The following ATP10B variants were observed in gnomAD, a reference collection of about 807,000 sequenced individuals.
ATP10B encodes ATPase phospholipid transporting 10B (putative).
Under a neutral mutation model 141.2 loss-of-function variants are expected in ATP10B, and 122 were observed. That is an observed-to-expected ratio of 0.86 (90% CI 0.75 to 1.00). The LOEUF is 1.00. Among genes scored for constraint, ATP10B ranks in the 50% least tolerant of loss-of-function variants. The pLI is 0.00. For missense variants in ATP10B, 1,876 were observed against 1,825.3 expected (o/e 1.03, Z -0.51); for synonymous variants, 685 against 692.0 (o/e 0.99, Z 0.16).
chr5:160,799,510 AATGCTGATGTTTGCTT>A (rs1160061244), intron 1 of ATP10B, among the ~76,000 whole-genome samples: 1 of 152,216 alleles, frequency 6.6e-6, no homozygotes, highest in East Asian at 1.9e-4. Flanking sequence ...ACTGTTAATT[AATGCTGATGTTTGCTT>A]TGCTGACATT....
intron 4 of ATP10B, among the ~76,000 whole-genome samples, chr5:160,688,354 G>A (rs7728209): frequency 0.57 from 86,400 of 151,990 alleles, 26,651 homozygotes; most frequent in Middle Eastern, 0.74. Context: ...GTTCTAGGGT[G>A]ACACACTAAA....
chr5:160,653,648 T>TATATATACATATATAC (rs796766455), intron 7 of ATP10B, among the ~76,000 whole-genome samples: 1 of 79,364 alleles, frequency 1.3e-5, no homozygotes, highest in Non-Finnish European at 2.2e-5. Flanking sequence ...ACATATATAT[T>TATATATACATATATAC]ATATATACAT....
rs772198369 is a variant in ATP10B at position 160,686,071 on chromosome 5, T to C, written c.470+8A>G. On this transcript the variant is annotated splice_region_variant and intron_variant, in intron 6 of 25. Transcript: ENST00000327245. ...TGCAAGAGAGAACACAGGGATGGTT[T>C]TTCTTACCTTTCATAAATTCGAATG... 6.5e-7 allele frequency: 1 copy of C among 1,545,814 alleles called. No individual in the cohort carries two copies. Among genetic ancestry groups the C allele is most frequent in the Non-Finnish European group, 8.8e-7 (1 of 1,137,390 alleles).
chr5:160,925,816 G>A, the ATP10B span, among the ~76,000 whole-genome samples: 2 of 152,126 alleles, frequency 1.3e-5, no homozygotes, highest in East Asian at 1.9e-4. Context: ...AGGAAAATAG[G>A]AGTCCTTTTG....
At chr5:160,904,554 C>A in the ATP10B span, among the ~76,000 whole-genome samples, 2 of 152,078 alleles carry the variant, frequency 1.3e-5, no homozygotes, top group East Asian at 3.9e-4. Flanking sequence ...TAATGTGATA[C>A]CTTGTCAAGA....
intron 7 of ATP10B, among the ~76,000 whole-genome samples, chr5:160,653,222 C>T (rs1761045430): frequency 7.5e-6 from 1 of 132,580 alleles, no homozygotes; most frequent in Non-Finnish European, 1.5e-5. Context: ...ATCATATATA[C>T]ATACAAATAT....
At chr5:160,841,988 A>G (rs140926535) in intron 1 of ATP10B, among the ~76,000 whole-genome samples, 1 of 152,206 alleles carries the variant, frequency 6.6e-6, no homozygotes, top group African/African-American at 2.4e-5. Context: ...GCCTCCCAAA[A>G]TGCTGGGATT....
At chr5:160,717,499 G>A (rs111748603) in intron 2 of ATP10B, among the ~76,000 whole-genome samples, 6 of 152,176 alleles carry the variant, frequency 3.9e-5, no homozygotes, top group African/African-American at 1.4e-4. Context: ...CAAGCCCTCA[G>A]TGAACTTGGG....
At chr5:160,753,894 G>T (rs1768337314) in intron 2 of ATP10B, among the ~76,000 whole-genome samples, 1 of 152,112 alleles carries the variant, frequency 6.6e-6, no homozygotes, top group Admixed American at 6.5e-5. Flanking sequence ...AACTCTGTCT[G>T]GCTTCTGATC....
chr5:160,584,089 C>A (rs1485936240), intron 24 of ATP10B, among the ~76,000 whole-genome samples: 1 of 151,578 alleles, frequency 6.6e-6, no homozygotes, highest in Non-Finnish European at 1.5e-5. Flanking sequence ...AAAAAAAAAA[C>A]AAAACTCCTG....
chr5:160,776,294 T>C (rs904739442), intron 2 of ATP10B, among the ~76,000 whole-genome samples: 4 of 152,248 alleles, frequency 2.6e-5, no homozygotes, highest in African/African-American at 9.6e-5. Flanking sequence ...CCAGTTCTGC[T>C]ACTTTTGGTC....
At chr5:160,841,591 C>A (rs1488463287) in intron 1 of ATP10B, among the ~76,000 whole-genome samples, 1 of 152,012 alleles carries the variant, frequency 6.6e-6, no homozygotes, top group East Asian at 1.9e-4. Context: ...AAAAATAAAA[C>A]TGAAAAATAA....
chr5:160,744,164 G>A (rs1767655829), intron 2 of ATP10B, among the ~76,000 whole-genome samples: 1 of 152,094 alleles, frequency 6.6e-6, no homozygotes, highest in African/African-American at 2.4e-5. Flanking sequence ...CCTATGCCTG[G>A]TTCCAGACAA....
chr5:160,918,085 C>T, the ATP10B span, among the ~76,000 whole-genome samples: 1 of 152,194 alleles, frequency 6.6e-6, no homozygotes, highest in African/African-American at 2.4e-5. Flanking sequence ...CCTACTCTCC[C>T]TTTTCACACT....
rs140556592 is a variant in ATP10B, at chr5:160,842,808, CCA to C, written c.-576+9131_-576+9132del. 6.2e-3 allele frequency among the ~76,000 whole-genome samples: 926 copies of C among 150,224 alleles called. 14 individuals carry two copies. Among genetic ancestry groups the C allele is most frequent in the African/African-American group, 0.021 (872 of 41,020 alleles). On this transcript the variant is annotated intron_variant, in intron 1 of 25. Coordinates refer to ENST00000327245, the MANE Select transcript of ATP10B (RefSeq NM_025153.3). ...ATTGAATTCATTATTTAAAACATTCCCACACACACACACACACAAAAATCAGG... is the reference window on the plus strand; with the variant it reads ...ATTGAATTCATTATTTAAAACATTCCCACACACACACACACAAAAATCAGG...
intron 3 of ATP10B, chr5:160,692,488 A>G (rs1353076072): frequency 6.6e-6 from 1 of 152,216 alleles, no homozygotes; most frequent in Non-Finnish European, 1.5e-5. Context: ...ACTGAAAGTC[A>G]CTAGATCCTG....
rs568469895 is a variant in ATP10B at position 160,757,827 on chromosome 5, C to T, written c.-331+27732G>A. Among the ~76,000 whole-genome samples the T allele has an allele frequency of 2.6e-5, 4 of 152,306 alleles. No homozygotes were observed. In the South Asian group the frequency reaches 8.3e-4, roughly 32 times the overall value. The stretch of plus-strand genomic sequence containing the variant: ...GATTTCCCAATCTTAGAACTATTCG[C>T]ATTTTAGGCTGGATAAGGCTTTGTT... On this transcript the variant is annotated intron_variant, in intron 2 of 25. Coordinates refer to ENST00000327245, the MANE Select transcript of ATP10B (RefSeq NM_025153.3).
At chr5:160,836,440 G>A (rs1049571717) in intron 1 of ATP10B, among the ~76,000 whole-genome samples, 5 of 151,946 alleles carry the variant, frequency 3.3e-5, no homozygotes, top group Admixed American at 6.6e-5. Context: ...TTATTGCAGA[G>A]GACTAAATGA....
At chr5:160,569,786 G>T in intron 24 of ATP10B, 103 bp from the exon 25 acceptor site, 1 of 949,942 alleles carries the variant, frequency 1.1e-6, no homozygotes, top group Non-Finnish European at 1.5e-6. Context: ...TTTTTGAAAT[G>T]CAAAACACAC....
Sources: allele counts gnomAD v4.1 joint callset (sites outside exome capture counted in the v4.1 genomes callset), GRCh38; gene constraint gnomAD v4.1.1; transcripts MANE v1.5; gene names NCBI Gene and HGNC (gene_info 2026-07-23, HGNC 2026-07-21).